VPS33B: variants seen among roughly 807,000 people sequenced by gnomAD.
VPS33B encodes vacuolar protein sorting-associated protein 33B.
VPS33B carries 80 observed loss-of-function variants against 95.3 expected under a neutral mutation model. The observed-to-expected ratio is 0.84, with a 90% CI of 0.70 to 1.01. The LOEUF (loss-of-function observed/expected upper bound fraction) is 1.01. Among genes scored for constraint, VPS33B ranks in the 50% least tolerant of loss-of-function variants. The probability of loss-of-function intolerance (pLI) is 0.00; values close to 1 mark genes in which losing one functional copy is unlikely to be tolerated. For missense variants in VPS33B, 715 were observed against 773.4 expected (o/e 0.92, Z 0.90); for synonymous variants, 280 against 280.4 (o/e 1.00, Z 0.01).
Position 91,015,764 on chromosome 15 carries a change from A to C in VPS33B, c.239+1199T>G, listed in dbSNP as rs1596368367. Among the ~76,000 whole-genome samples, 1 of 152,294 alleles carries C rather than the reference A, an allele frequency of 6.6e-6. No individual in the cohort carries two copies. Among genetic ancestry groups the C allele is most frequent in the Middle Eastern group, 3.4e-3 (1 of 294 alleles). ...GAGGATCCCTTGAGCCAGGAGCTCA[A>C]GGCTGCAGTGAGCTATGATTGCACC... On this transcript the variant is annotated intron_variant, in intron 3 of 22. Coordinates refer to ENST00000333371, the MANE Select transcript of VPS33B (RefSeq NM_018668.5). This position sits in a 1 kb window ranked among gnomAD's most constrained non-coding sequence, Gnocchi z 4.7.
chr15:91,001,668 C>T (rs896510735), intron 18 of VPS33B, among the ~76,000 whole-genome samples: 3 of 152,202 alleles, frequency 2.0e-5, no homozygotes, highest in African/African-American at 7.2e-5. Flanking sequence ...GGTACCAGCT[C>T]TCTACTAAAT....
chr15:90,999,747 G>C lies in VPS33B; in HGVS notation c.1704C>G (p.Ile568Met). The change falls in exon 22 of 23, where the codon ATC (isoleucine) becomes ATG (methionine). Residue 568 changes from isoleucine to methionine, a missense_variant. Transcript: ENST00000333371. This position sits in a 1 kb window ranked among gnomAD's most constrained non-coding sequence, Gnocchi z 5.1. ...TACAACCACCCAAGAACACCACCAAGATGAGGCGCAGGGACTCACTGGAAG... is the reference window on the plus strand; with the variant it reads ...TACAACCACCCAAGAACACCACCAACATGAGGCGCAGGGACTCACTGGAAG... ...DKASSESLRLILVVFLGGCTF... is the reference protein window; with the variant it reads ...DKASSESLRLMLVVFLGGCTF... 1 of 1,614,178 alleles carries C rather than the reference G, an allele frequency of 6.2e-7. No individual in the cohort carries two copies.
rs554674316 is a variant in VPS33B, at chr15:91,022,083, G to A, written c.96+71C>T. 91 of 1,510,498 alleles carry A rather than the reference G, an allele frequency of 6.0e-5. No homozygotes were observed. The South Asian group carries it at 7.1e-4, about 12-fold the overall frequency. The allele number at this position is 1,510,498 out of a possible 1,614,324, so 93.6% of individuals were successfully genotyped here. A position where few individuals can be genotyped will look rare whatever the true frequency, so the allele number is the denominator to read the frequency against. On this transcript the variant is annotated intron_variant, in intron 1 of 22. Coordinates refer to ENST00000333371, the MANE Select transcript of VPS33B (RefSeq NM_018668.5). ...GCCAAGAACAAGATCAAAGGGGCAC[G>A]GCAAGGAAGAAATGTGCATCCAATG...
At position 91,000,750 on chromosome 15, in the gene VPS33B, G is replaced by A. The variant is rs1444173047; in HGVS notation, c.1480-159C>T. 8 of 659,070 alleles carry A rather than the reference G, an allele frequency of 1.2e-5. No homozygotes were observed. Among genetic ancestry groups the A allele is most frequent in the Admixed American group, 1.1e-4 (5 of 45,094 alleles). The allele number at this position is 659,070 out of a possible 1,614,324, so 40.8% of individuals were successfully genotyped here. ...AGAGAATCCATAACGGAAGATGGCA[G>A]TTTTTGTTCAGTAACTGCCAGTTCT... is the stretch of plus-strand genomic sequence containing the variant. On this transcript the variant is annotated intron_variant, in intron 19 of 22. Transcript: ENST00000333371. The surrounding 1 kb of genome is among the most constrained non-coding windows in gnomAD (Gnocchi z 4.9).
Position 91,000,677 on chromosome 15 carries a change from G to T in VPS33B, c.1480-86C>A. The stretch of plus-strand genomic sequence containing the variant: ...GTCAGATAAAGTGGCATGGCCCAAG[G>T]AACAATTCTTATTTCAACTAAAGGG... On this transcript the variant is annotated intron_variant, in intron 19 of 22. Transcript: ENST00000333371. The surrounding 1 kb of genome is among the most constrained non-coding windows in gnomAD (Gnocchi z 4.9). The T allele has an allele frequency of 2.6e-6, 3 of 1,171,202 alleles. No individual in the cohort carries two copies. The highest frequency in any genetic ancestry group is 1.2e-6 in the Non-Finnish European group (1 of 802,966). The allele number at this position is 1,171,202 out of a possible 1,614,324, so 72.6% of individuals were successfully genotyped here.
intron 5 of VPS33B, among the ~76,000 whole-genome samples, chr15:91,012,050 T>C (rs1419657704): frequency 6.7e-6 from 1 of 150,128 alleles, no homozygotes; most frequent in Admixed American, 6.6e-5. Flanking sequence ...AAGCTGTCCT[T>C]GGAAGCATAA....
Position 90,999,743 on chromosome 15 carries a change from C to G in VPS33B, c.1708G>C (p.Val570Leu). The change falls in exon 22 of 23, where the codon GTG becomes CTG. Residue 570 changes from valine to leucine, a missense_variant. Val to Leu is a conservative substitution (Grantham distance 32). Coordinates refer to ENST00000333371, the MANE Select transcript of VPS33B (RefSeq NM_018668.5). The surrounding 1 kb of genome is among the most constrained non-coding windows in gnomAD (Gnocchi z 5.1). ...ASSESLRLIL[V>L]VFLGGCTFSE... The stretch of plus-strand genomic sequence containing the variant: ...AATGTACAACCACCCAAGAACACCA[C>G]CAAGATGAGGCGCAGGGACTCACTG... The G allele has an allele frequency of 6.2e-7, 1 of 1,614,184 alleles. No individual in the cohort carries two copies. Among genetic ancestry groups the G allele is most frequent in the Non-Finnish European group, 8.5e-7 (1 of 1,180,032 alleles).
In VPS33B at chr15:91,004,040, A is replaced by G. The variant is rs8032368; in HGVS notation, c.1225+837T>C. Among the ~76,000 whole-genome samples the G allele has an allele frequency of 8.0e-3, 1,210 of 152,196 alleles. 21 individuals are homozygous for G. Among genetic ancestry groups the G allele is most frequent in the African/African-American group, 0.028 (1,146 of 41,528 alleles). ...GGAGTTCCAGACCAGCCTGGCCAAC[A>G]TAACAAAACCCTGTCTCTATTAAAA... On this transcript the variant is annotated intron_variant, in intron 16 of 22. Coordinates refer to ENST00000333371, the MANE Select transcript of VPS33B (RefSeq NM_018668.5).
In VPS33B at chr15:91,007,661, G is replaced by A; in HGVS notation, c.499-88C>T. The stretch of plus-strand genomic sequence containing the variant: ...CTAGCCCTAGAAGCCCTGGAGCAGG[G>A]TGGCAGGGCCTGGGGGATGCTTGAA... On this transcript the variant is annotated intron_variant, in intron 7 of 22. Transcript: ENST00000333371. This position sits in a 1 kb window ranked among gnomAD's most constrained non-coding sequence, Gnocchi z 5.3. The A allele has an allele frequency of 4.9e-6, 7 of 1,441,104 alleles. No individual in the cohort carries two copies. Among genetic ancestry groups the A allele is most frequent in the Non-Finnish European group, 5.9e-6 (6 of 1,024,746 alleles). 89.3% of individuals were successfully genotyped at this position (1,441,104 alleles called of 1,614,324 possible). A position where few individuals can be genotyped will look rare whatever the true frequency, so the allele number is the denominator to read the frequency against.
chr15:91,014,539 G>T (rs1446346746), intron 3 of VPS33B, 106 bp from the exon 4 acceptor site: 4 of 1,275,216 alleles, frequency 3.1e-6, no homozygotes, highest in Admixed American at 1.7e-5. Context: ...TGCCCTACAG[G>T]TCTCATCCTA....
rs369089210 is a variant in VPS33B at position 91,004,458 on chromosome 15, C to T, written c.1225+419G>A. 1.1e-4 allele frequency among the ~76,000 whole-genome samples: 17 copies of T among 151,994 alleles called. No homozygotes were observed. The East Asian group carries it at 2.1e-3, about 19-fold the overall frequency. On this transcript the variant is annotated intron_variant, in intron 16 of 22. Coordinates refer to ENST00000333371, the MANE Select transcript of VPS33B (RefSeq NM_018668.5). ...GGTGGGGGTTGTGGTGAGCCGAGAT[C>T]GCACCACTGTACTCCAGCATGGGTG...
intron 16 of VPS33B, 108 bp from the exon 17 acceptor site, chr15:91,003,239 A>C: frequency 1.9e-6 from 2 of 1,077,924 alleles, no homozygotes; most frequent in Non-Finnish European, 2.9e-6. Context: ...GGAAGGATTC[A>C]GTAAATGTTA....
At chr15:91,022,028 G>A in intron 1 of VPS33B, 126 bp downstream of exon 1, 1 of 1,101,182 alleles carries the variant, frequency 9.1e-7, no homozygotes, top group Non-Finnish European at 1.3e-6. Flanking sequence ...TTCTGGACCT[G>A]CTGGGGAAGC....
chr15:91,019,776 A>C (rs2041050829), intron 1 of VPS33B, among the ~76,000 whole-genome samples: 1 of 151,926 alleles, frequency 6.6e-6, no homozygotes, highest in African/African-American at 2.4e-5. Context: ...GTGAGCAAAC[A>C]TAGATTAAGA....
intron 3 of VPS33B, among the ~76,000 whole-genome samples, chr15:91,016,759 T>G (rs532453643): frequency 6.6e-6 from 1 of 152,246 alleles, no homozygotes; most frequent in African/African-American, 2.4e-5. Flanking sequence ...GACTGTATTA[T>G]AAATTAGAGA....
intron 18 of VPS33B, 113 bp downstream of exon 18, chr15:91,001,937 T>G: frequency 6.5e-7 from 1 of 1,543,360 alleles, no homozygotes; most frequent in South Asian, 1.1e-5. Context: ...ATGACATTAA[T>G]AGGAAGGAAT....
At position 91,002,323 on chromosome 15, in the gene VPS33B, C is replaced by T. The variant is rs558089551; in HGVS notation, c.1273-141G>A. On this transcript the variant is annotated intron_variant, in intron 17 of 22. Coordinates refer to ENST00000333371, the MANE Select transcript of VPS33B (RefSeq NM_018668.5). The surrounding 1 kb of genome is among the most constrained non-coding windows in gnomAD (Gnocchi z 4.7). ...CACACTTTGTTGAGATAAATTTTCACATCAGAAATAACCAAACAGGGCTGG... is the reference window on the plus strand; with the variant it reads ...CACACTTTGTTGAGATAAATTTTCATATCAGAAATAACCAAACAGGGCTGG... 9.1e-6 allele frequency: 12 copies of T among 1,315,206 alleles called. No individual in the cohort carries two copies. The highest frequency in any genetic ancestry group is 5.1e-5 in the East Asian group (2 of 39,386). 81.5% of individuals were successfully genotyped at this position (1,315,206 alleles called of 1,614,324 possible).
In VPS33B at chr15:91,018,389, C is replaced by T. The variant is rs148905233; in HGVS notation, c.97-504G>A. Reference sequence around the variant, plus strand: ...CCCCCACCCCACAATCCCTGTCATACGATTCCTGCACCACCACTCCTGACA... The same window carrying T: ...CCCCCACCCCACAATCCCTGTCATATGATTCCTGCACCACCACTCCTGACA... On this transcript the variant is annotated intron_variant, in intron 1 of 22. Coordinates refer to ENST00000333371, the MANE Select transcript of VPS33B (RefSeq NM_018668.5). This position sits in a 1 kb window ranked among gnomAD's most constrained non-coding sequence, Gnocchi z 4.7. Among the ~76,000 whole-genome samples the T allele has an allele frequency of 5.3e-5, 8 of 152,276 alleles. No individual in the cohort carries two copies. The East Asian group carries it at 7.7e-4, about 15-fold the overall frequency.
chr15:91,009,075 T>C lies in VPS33B; in HGVS notation c.403+726A>G, dbSNP rs539987976. 5.9e-5 allele frequency among the ~76,000 whole-genome samples: 9 copies of C among 152,150 alleles called. No individual in the cohort carries two copies. The highest frequency in any genetic ancestry group is 2.2e-4 in the African/African-American group (9 of 41,524). On this transcript the variant is annotated intron_variant, in intron 6 of 22. Coordinates refer to ENST00000333371, the MANE Select transcript of VPS33B (RefSeq NM_018668.5). This position sits in a 1 kb window ranked among gnomAD's most constrained non-coding sequence, Gnocchi z 4.1. The stretch of plus-strand genomic sequence containing the variant: ...CGCTGCTATTTCCAGCAGGGAGGGC[T>C]GTGATCAGGTTTGGGTTGTGTGGAG...
Sources: gnomAD v4.1 joint callset for allele counts (sites outside exome capture counted in the v4.1 genomes callset) on GRCh38, gnomAD v4.1.1 for gene constraint, Gnocchi (gnomAD v3.1) non-coding constraint, MANE v1.5 for transcripts, NCBI Gene and HGNC (gene_info 2026-07-23, HGNC 2026-07-21) for gene names.